ZC3H12B: variants seen among roughly 807,000 people sequenced by gnomAD.
ZC3H12B encodes the protein zinc finger CCCH-type containing 12B.
Under a neutral mutation model 43.9 loss-of-function variants are expected in ZC3H12B, and 7 were observed. The observed-to-expected ratio is 0.16, with a 90% CI of 0.09 to 0.30. The LOEUF is 0.30. Among genes scored for constraint, ZC3H12B ranks in the 10% least tolerant of loss-of-function variants. The pLI is 1.00. For missense variants in ZC3H12B, 475 were observed against 670.2 expected (o/e 0.71, Z 3.22); for synonymous variants, 222 against 241.7 (o/e 0.92, Z 0.76).
At chrX:65,101,317 A>C in the ZC3H12B span, among the ~76,000 whole-genome samples, 1 of 111,959 alleles carries the variant, frequency 8.9e-6, no homozygotes, top group Non-Finnish European at 1.9e-5. Flanking sequence ...TCAACATCCT[A>C]ACATCACATT....
chrX:65,171,912 A>G, the ZC3H12B span, among the ~76,000 whole-genome samples: 1 of 111,154 alleles, frequency 9.0e-6, no homozygotes, highest in African/African-American at 3.3e-5. Context: ...TAGGGTGGGA[A>G]TATCCCAATT....
chrX:65,290,858 TGGG>T, the ZC3H12B span, among the ~76,000 whole-genome samples: 2 of 109,968 alleles, frequency 1.8e-5, no homozygotes, highest in Non-Finnish European at 3.8e-5. Flanking sequence ...GAAAGGTGAA[TGGG>T]GGGATATGGA....
chrX:65,127,811 G>C, the ZC3H12B span, among the ~76,000 whole-genome samples: 23 of 110,833 alleles, frequency 2.1e-4, no homozygotes, highest in African/African-American at 6.6e-4. Flanking sequence ...GGGAAAGCTG[G>C]CAGTCACAGG....
chrX:65,396,681 G>T (rs2066702621), intron 2 of ZC3H12B, among the ~76,000 whole-genome samples: 1 of 110,503 alleles, frequency 9.0e-6, no homozygotes, highest in African/African-American at 3.3e-5. Flanking sequence ...ATATTCTGTT[G>T]ATTTGGGGTG....
At chrX:65,195,549 A>G in the ZC3H12B span, among the ~76,000 whole-genome samples, 6 of 112,114 alleles carry the variant, frequency 5.4e-5, no homozygotes, top group East Asian at 1.7e-3. Context: ...TGTACTATCT[A>G]TGTCTTGAAA....
chrX:65,219,809 T>TACACACACACAC, the ZC3H12B span, among the ~76,000 whole-genome samples: 42 of 76,517 alleles, frequency 5.5e-4, no homozygotes, highest in African/African-American at 8.4e-4. Context: ...TACACACACA[T>TACACACACACAC]ACACACACAC....
At chrX:65,131,961 G>A in the ZC3H12B span, among the ~76,000 whole-genome samples, 1 of 111,589 alleles carries the variant, frequency 9.0e-6, no homozygotes, top group South Asian at 3.8e-4. Flanking sequence ...GGGGTGGAAA[G>A]AAAGTAAATC....
chrX:65,218,680 G>T, the ZC3H12B span, among the ~76,000 whole-genome samples: 5 of 111,144 alleles, frequency 4.5e-5, no homozygotes, highest in Non-Finnish European at 9.4e-5. Context: ...CCCAAGCAGA[G>T]TCTGATCTGA....
At chrX:65,249,794 G>A in the ZC3H12B span, among the ~76,000 whole-genome samples, 33 of 80,134 alleles carry the variant, frequency 4.1e-4, no homozygotes, top group African/African-American at 1.8e-3. Context: ...ATATTCCTAA[G>A]TATTTTTTTT....
the ZC3H12B span, among the ~76,000 whole-genome samples, chrX:65,303,631 A>G: frequency 8.9e-6 from 1 of 112,257 alleles, no homozygotes; most frequent in Admixed American, 9.4e-5. Flanking sequence ...ATAAAATAAG[A>G]ATTCCATTTG....
the ZC3H12B span, chrX:65,328,624 A>G: frequency 6.6e-6 from 1 of 150,648 alleles, no homozygotes; most frequent in Non-Finnish European, 1.2e-5. Flanking sequence ...TTACATATGT[A>G]TACATGTTTG....
chrX:65,102,615 A>G, the ZC3H12B span, among the ~76,000 whole-genome samples: 1 of 112,149 alleles, frequency 8.9e-6, no homozygotes, highest in Non-Finnish European at 1.9e-5. Flanking sequence ...GAGCTAAATC[A>G]TGAGTGAACT....
the ZC3H12B span, among the ~76,000 whole-genome samples, chrX:65,351,495 C>A: frequency 8.9e-6 from 1 of 112,234 alleles, no homozygotes; most frequent in African/African-American, 3.2e-5. Context: ...AGAGCTTCTG[C>A]ACAGCAAAAG....
chrX:65,410,691 A>T (rs1303291965), intron 3 of ZC3H12B, among the ~76,000 whole-genome samples: 2 of 112,372 alleles, frequency 1.8e-5, no homozygotes, highest in Middle Eastern at 8.4e-3. Context: ...ACAACCCAGA[A>T]ACAGGCATAT....
the ZC3H12B span, among the ~76,000 whole-genome samples, chrX:65,168,510 T>G: frequency 1.8e-5 from 2 of 110,379 alleles, no homozygotes; most frequent in Non-Finnish European, 3.8e-5. Context: ...TTTTTTTTTG[T>G]TGCGTCTCTG....
At chrX:65,124,501 G>A in the ZC3H12B span, among the ~76,000 whole-genome samples, 1 of 110,384 alleles carries the variant, frequency 9.1e-6, no homozygotes, top group African/African-American at 3.3e-5. Flanking sequence ...TGGCTTCCTA[G>A]AATGATTTAG....
the ZC3H12B span, among the ~76,000 whole-genome samples, chrX:65,294,960 C>T: frequency 1.9e-5 from 2 of 107,423 alleles, no homozygotes; most frequent in African/African-American, 6.8e-5. Context: ...AGAAAGTCAA[C>T]AAAGAAACAA....
At chrX:65,185,711 G>A in the ZC3H12B span, 1 of 111,516 alleles carries the variant, frequency 9.0e-6, no homozygotes, top group South Asian at 3.7e-4. Context: ...AGTAGAGTTG[G>A]ATTTTTTATG....
chrX:65,167,893 G>A, the ZC3H12B span, among the ~76,000 whole-genome samples: 2 of 112,246 alleles, frequency 1.8e-5, no homozygotes, highest in Admixed American at 9.5e-5. Flanking sequence ...TCTGTATCCT[G>A]AGACTTTCCT....
Sources: allele counts gnomAD v4.1 joint callset (sites outside exome capture counted in the v4.1 genomes callset), GRCh38; gene constraint gnomAD v4.1.1; transcripts MANE v1.5; gene names NCBI Gene and HGNC (gene_info 2026-07-23, HGNC 2026-07-21).